Variants in ZFAND1 observed in about 807,000 individuals in gnomAD.
ZFAND1 encodes the protein zinc finger AN1-type containing 1.
A neutral mutation model predicts 38.5 loss-of-function variants in ZFAND1; 40 were observed. The observed-to-expected ratio is 1.04, with a 90% confidence interval of 0.81 to 1.35. ZFAND1 has a LOEUF of 1.35. ZFAND1 is among the 40% of genes most tolerant of loss of function. The probability of loss-of-function intolerance (pLI) is 0.00; values close to 1 mark genes in which losing one functional copy is unlikely to be tolerated. For missense variants in ZFAND1, 346 were observed against 316.3 expected (o/e 1.09, Z -0.71); for synonymous variants, 117 against 103.6 (o/e 1.13, Z -0.78).
chr8:81,704,785 G>T (rs1230316563), intron 6 of ZFAND1, among the ~76,000 whole-genome samples: 5 of 152,078 alleles, frequency 3.3e-5, no homozygotes, highest in Non-Finnish European at 7.4e-5. Context: ...ATTTGTTGAA[G>T]ACCAGTGGGG....
At chr8:81,717,839 G>A (rs773812603) in intron 2 of ZFAND1, among the ~76,000 whole-genome samples, 1 of 151,908 alleles carries the variant, frequency 6.6e-6, no homozygotes, top group African/African-American at 2.4e-5. Context: ...CCTATTTTAA[G>A]GCATTTATAG....
In ZFAND1 at chr8:81,707,356, T is replaced by C. The variant is rs373696742; in HGVS notation, c.481-4232A>G. On this transcript the variant is annotated intron_variant, in intron 6 of 7. Coordinates refer to ENST00000220669, the MANE Select transcript of ZFAND1 (RefSeq NM_024699.3). ...ACTTCCTCCAGGCAATATTCACTCA[T>C]CACATCCTTGTGGGAAACATGAGGG... Among the ~76,000 whole-genome samples, 23 of 152,370 alleles carry C rather than the reference T, an allele frequency of 1.5e-4. No homozygotes were observed. The East Asian group carries it at 1.5e-3, about 10-fold the overall frequency.
intron 1 of ZFAND1, 122 bp downstream of exon 1, chr8:81,721,105 C>T (rs1414115371): frequency 9.1e-7 from 1 of 1,104,334 alleles, no homozygotes; most frequent in East Asian, 2.6e-5. Context: ...ACGCTCCCAC[C>T]CCGCTCCTCA....
chr8:81,716,723 G>A (rs960448568), intron 3 of ZFAND1, among the ~76,000 whole-genome samples: 1 of 152,150 alleles, frequency 6.6e-6, no homozygotes, highest in Admixed American at 6.5e-5. Flanking sequence ...CAAGGCGGGT[G>A]GATCACCTGA....
At chr8:81,716,888 A>C (rs1452839521) in intron 3 of ZFAND1, among the ~76,000 whole-genome samples, 1 of 152,152 alleles carries the variant, frequency 6.6e-6, no homozygotes, top group Non-Finnish European at 1.5e-5. Context: ...CGGAGGTTGC[A>C]GTGAGCCGAG....
Position 81,703,093 on chromosome 8 carries a change from G to T in ZFAND1, c.512C>A (p.Pro171His). The change falls in exon 7 of 8, where the codon CCT becomes CAT. Residue 171 changes from proline (P) to histidine (H), a missense_variant. Coordinates refer to ENST00000220669, the MANE Select transcript of ZFAND1 (RefSeq NM_024699.3). ...TERIYFQVFLPKGSKEKSKPM... is the reference protein window; with the variant it reads ...TERIYFQVFLHKGSKEKSKPM... ...TTTGCTCTTCTCTTTGCTCCCTTTA[G>T]GTAAGAAAACCTGAAAGTAAATTCT... The T allele has an allele frequency of 6.5e-7, 1 of 1,535,074 alleles. No individual in the cohort carries two copies. The highest frequency in any genetic ancestry group is 1.3e-5 in the South Asian group (1 of 79,750).
At chr8:81,709,912 T>C (rs1228938642) in intron 6 of ZFAND1, among the ~76,000 whole-genome samples, 3 of 152,226 alleles carry the variant, frequency 2.0e-5, no homozygotes, top group African/African-American at 4.8e-5. Flanking sequence ...GGATGAAATA[T>C]GTTAGAAGAT....
chr8:81,712,570 C>A (rs1403248576), intron 6 of ZFAND1, among the ~76,000 whole-genome samples: 4 of 151,870 alleles, frequency 2.6e-5, no homozygotes, highest in African/African-American at 9.7e-5. Context: ...CAATAATTAG[C>A]TAGGAAAATG....
At chr8:81,719,512 A>AAAAC (rs201616324) in intron 1 of ZFAND1, among the ~76,000 whole-genome samples, 5 of 152,214 alleles carry the variant, frequency 3.3e-5, no homozygotes, top group East Asian at 3.9e-4. Flanking sequence ...ATCTCAAAAC[A>AAAAC]AAACAAACAA....
intron 6 of ZFAND1, among the ~76,000 whole-genome samples, chr8:81,704,392 G>T (rs1296529012): frequency 6.6e-6 from 1 of 152,032 alleles, no homozygotes; most frequent in African/African-American, 2.4e-5. Flanking sequence ...CAAAAAATTA[G>T]CTGGGTATAG....
chr8:81,717,326 A>G (rs766827092), intron 2 of ZFAND1, 38 bp from the exon 3 acceptor site: 2 of 1,468,278 alleles, frequency 1.4e-6, no homozygotes, highest in Admixed American at 2.6e-5. Context: ...TAAATAACAT[A>G]CTTAAAGATA....
chr8:81,702,523 C>T lies in ZFAND1; in HGVS notation c.*172G>A. On this transcript the variant is annotated 3_prime_UTR_variant, in exon 8 of 8. Coordinates refer to ENST00000220669, the MANE Select transcript of ZFAND1 (RefSeq NM_024699.3). ...AATTGAGGATCCGTACACAATTAAA[C>T]TTAAAACCAAAAAACTCTAATAGAA... The T allele has an allele frequency of 1.9e-6, 1 of 516,682 alleles. No individual in the cohort carries two copies. Among genetic ancestry groups the T allele is most frequent in the Admixed American group, 4.2e-5 (1 of 23,952 alleles). 32.0% of individuals were successfully genotyped at this position (516,682 alleles called of 1,614,324 possible).
Position 81,704,679 on chromosome 8 carries a change from T to TA in ZFAND1, c.481-1556dup, listed in dbSNP as rs982750806. On this transcript the variant is annotated intron_variant, in intron 6 of 7. Coordinates refer to ENST00000220669, the MANE Select transcript of ZFAND1 (RefSeq NM_024699.3). ...TCTTGCTAAAACAAAAATTTTGGCA[T>TA]AACAGGAGCATCTCTAACTTGTGGG... is the stretch of plus-strand genomic sequence containing the variant. 1.5e-3 allele frequency among the ~76,000 whole-genome samples: 227 copies of TA among 152,156 alleles called. 1 individual carries two copies. Among genetic ancestry groups the TA allele is most frequent in the African/African-American group, 5.4e-3 (223 of 41,526 alleles).
chr8:81,716,619 T>C (rs1808320147), intron 3 of ZFAND1, among the ~76,000 whole-genome samples: 1 of 152,074 alleles, frequency 6.6e-6, no homozygotes, highest in Non-Finnish European at 1.5e-5. Context: ...GGAGGGAATA[T>C]ATAAGGAGGA....
At chr8:81,708,769 T>C in intron 6 of ZFAND1, 2 of 1,236,022 alleles carry the variant, frequency 1.6e-6, no homozygotes, top group South Asian at 2.8e-5. Context: ...CGGAACTGGT[T>C]AGAAGGGCAG....
intron 6 of ZFAND1, among the ~76,000 whole-genome samples, chr8:81,706,894 C>T (rs934900981): frequency 8.0e-5 from 12 of 150,878 alleles, no homozygotes; most frequent in African/African-American, 2.4e-4. Context: ...AAACAAAAAC[C>T]GTAAAATAAG....
chr8:81,717,999 A>G lies in ZFAND1; in HGVS notation c.98+183T>C, dbSNP rs1186593153. On this transcript the variant is annotated intron_variant, in intron 2 of 7. Coordinates refer to ENST00000220669, the MANE Select transcript of ZFAND1 (RefSeq NM_024699.3). ...ATATAAAATTCACATACATAACCCC[A>G]CTTTTGGAAGTTTAAAAATCAGTCA... 3.3e-5 allele frequency among the ~76,000 whole-genome samples: 5 copies of G among 152,032 alleles called. No individual in the cohort carries two copies. In the South Asian group the frequency reaches 1.0e-3, roughly 31 times the overall value.
intron 6 of ZFAND1, among the ~76,000 whole-genome samples, chr8:81,710,227 G>A (rs1448504599): frequency 6.6e-6 from 1 of 152,172 alleles, no homozygotes; most frequent in South Asian, 2.1e-4. Context: ...TTTCAGTTAA[G>A]AACTGCTGCT....
At chr8:81,709,322 T>A (rs1375672110) in intron 6 of ZFAND1, among the ~76,000 whole-genome samples, 2 of 152,182 alleles carry the variant, frequency 1.3e-5, no homozygotes, top group Non-Finnish European at 2.9e-5. Flanking sequence ...ATTATATATT[T>A]AATATCTATC....
Sources: allele counts gnomAD v4.1 joint callset (sites outside exome capture counted in the v4.1 genomes callset), GRCh38; gene constraint gnomAD v4.1.1; transcripts MANE v1.5; gene names NCBI Gene and HGNC (gene_info 2026-07-23, HGNC 2026-07-21).